PCDHA10: variants seen among roughly 807,000 people sequenced by gnomAD.
PCDHA10 encodes the protein protocadherin alpha 10.
A neutral mutation model predicts 61.2 loss-of-function variants in PCDHA10; 45 were observed. The ratio of observed to expected loss-of-function variants is 0.74; its 90% confidence interval spans 0.58 to 0.94. The LOEUF is 0.94. Among genes scored for constraint, PCDHA10 ranks in the 40% least tolerant of loss-of-function variants. PCDHA10 has a pLI of 0.00. For synonymous variants in PCDHA10, 602 were observed against 548.8 expected (o/e 1.10, Z -1.35); for missense variants, 1,278 against 1,236.2 (o/e 1.03, Z -0.51).
intron 1 of PCDHA10, among the ~76,000 whole-genome samples, chr5:140,896,910 T>C (rs1174063416): frequency 1.3e-5 from 2 of 152,208 alleles, no homozygotes; most frequent in Non-Finnish European, 2.9e-5. Context: ...AAGCATGCAA[T>C]GCACAATAAT....
chr5:140,900,780 C>T (rs1554189418), intron 1 of PCDHA10, among the ~76,000 whole-genome samples: 1 of 152,192 alleles, frequency 6.6e-6, no homozygotes, highest in Admixed American at 6.5e-5. Flanking sequence ...TTTGAGGAAA[C>T]TCCAAACTGT....
chr5:140,941,211 CTTCCTTTCTTTCTTTCTTTCTTT>C (rs2092859339), intron 1 of PCDHA10, among the ~76,000 whole-genome samples: 20 of 129,726 alleles, frequency 1.5e-4, no homozygotes, highest in Admixed American at 7.8e-4. Flanking sequence ...TCCTTTCTTT[CTTCCTTTCTTTCTTTCTTTCTTT>C]CTTTCTTTCT....
chr5:140,927,127 G>C (rs1202029150), intron 1 of PCDHA10: 1 of 1,613,964 alleles, frequency 6.2e-7, no homozygotes, highest in Non-Finnish European at 8.5e-7. Context: ...GGTGGTCAGA[G>C]AGCCGGCGGA....
chr5:140,948,017 T>TTTTCC (rs1351599974), intron 1 of PCDHA10, among the ~76,000 whole-genome samples: 1 of 151,262 alleles, frequency 6.6e-6, no homozygotes, highest in African/African-American at 2.4e-5. Flanking sequence ...GGAAGTACCC[T>TTTTCC]TTCTGGTTTG....
At chr5:140,874,386 G>A (rs2054873500) in intron 1 of PCDHA10, among the ~76,000 whole-genome samples, 1 of 152,082 alleles carries the variant, frequency 6.6e-6, no homozygotes. Context: ...GTCTTTTGAT[G>A]CCCCCTTGCA....
rs1319882145 is a variant in PCDHA10, at chr5:140,858,933, A to G, written c.2388+497A>G. ...GCTTATACTGCCATAGTAGATTTCA[A>G]TGTTCAGTGATTACAGCTTTTTCTC... is the stretch of plus-strand genomic sequence containing the variant. On this transcript the variant is annotated intron_variant, in intron 1 of 3. Transcript: ENST00000307360. The G allele has an allele frequency of 6.2e-5, 10 of 160,710 alleles. 1 individual carries two copies. The highest frequency in any genetic ancestry group is 2.4e-4 in the African/African-American group (10 of 41,146). The allele number at this position is 160,710 out of a possible 1,614,324, so 10.0% of individuals were successfully genotyped here. A position where few individuals can be genotyped will look rare whatever the true frequency, so the allele number is the denominator to read the frequency against.
rs34755515 is a variant in PCDHA10 at position 141,000,421 on chromosome 5, A to ATTT, written c.2537-9185_2537-9183dup. 5.4e-3 allele frequency among the ~76,000 whole-genome samples: 150 copies of ATTT among 27,982 alleles called. 11 individuals are homozygous for ATTT. Among genetic ancestry groups the ATTT allele is most frequent in the Non-Finnish European group, 6.0e-3 (106 of 17,660 alleles). The allele number at this position is 27,982 out of a possible 152,430, so 18.4% of individuals were successfully genotyped here. On this transcript the variant is annotated intron_variant, in intron 3 of 3. Coordinates refer to ENST00000307360, the MANE Select transcript of PCDHA10 (RefSeq NM_018901.4). ...TATATATATATATATATATATATAT[A>ATTT]TTTTTTTTTTTTTTTTTTTTTTTGA...
In PCDHA10 at chr5:140,882,102, C is replaced by A. The variant is rs2058951166; in HGVS notation, c.2388+23666C>A. 1.4e-5 allele frequency: 18 copies of A among 1,308,166 alleles called. No individual in the cohort carries two copies. In the South Asian group the frequency reaches 2.1e-4, roughly 16 times the overall value. 81.0% of individuals were successfully genotyped at this position (1,308,166 alleles called of 1,614,324 possible). On this transcript the variant is annotated intron_variant, in intron 1 of 3. Transcript: ENST00000307360. ...TCGCTCTTCACTGAGAACGTTTCCG[C>A]GAAGAAAGCCGCCGTTTCTTTCTTC...
intron 1 of PCDHA10, among the ~76,000 whole-genome samples, chr5:140,896,511 C>T (rs1344026446): frequency 6.6e-6 from 1 of 151,744 alleles, no homozygotes; most frequent in Non-Finnish European, 1.5e-5. Context: ...TGTGCAGGCA[C>T]ACACCACAAA....
In PCDHA10 at chr5:140,941,217, T is replaced by TTC. The variant is rs1483555953; in HGVS notation, c.2389-37730_2389-37729dup. Among the ~76,000 whole-genome samples, 308 of 126,180 alleles carry TTC rather than the reference T, an allele frequency of 2.4e-3. 1 individual carries two copies. Among genetic ancestry groups the TTC allele is most frequent in the African/African-American group, 9.4e-3 (294 of 31,220 alleles). The allele number at this position is 126,180 out of a possible 152,430, so 82.8% of individuals were successfully genotyped here. On this transcript the variant is annotated intron_variant, in intron 1 of 3. Coordinates refer to ENST00000307360, the MANE Select transcript of PCDHA10 (RefSeq NM_018901.4). ...TTTCTTTCTTCCTTTCTTTCTTCCT[T>TTC]TCTTTCTTTCTTTCTTTCTTTCTTT...
intron 1 of PCDHA10, among the ~76,000 whole-genome samples, chr5:140,890,244 C>T (rs1404459938): frequency 6.6e-6 from 1 of 152,052 alleles, no homozygotes; most frequent in Non-Finnish European, 1.5e-5. Flanking sequence ...TTTACCAGTA[C>T]ACTACTGCAC....
In PCDHA10 at chr5:140,856,514, G is replaced by C. The variant is rs781942781; in HGVS notation, c.466G>C (p.Ala156Pro). 1 of 1,598,422 alleles carries C rather than the reference G, an allele frequency of 6.3e-7. No individual in the cohort carries two copies. The highest frequency in any genetic ancestry group is 1.3e-5 in the African/African-American group (1 of 74,442). Residue 156 changes from alanine (A) to proline (P), a missense_variant, in exon 1 of 4, where the codon GCA becomes CCA. By Grantham distance (27) the Ala-to-Pro change is conservative. Coordinates refer to ENST00000307360, the MANE Select transcript of PCDHA10 (RefSeq NM_018901.4). ...TGACTCTCGATTTCCACTAGAAGGC[G>C]CATCTGATGCGGATGTTGGAGAGAA... is the stretch of plus-strand genomic sequence containing the variant. ...LLDSRFPLEG[A>P]SDADVGENAL...
chr5:140,906,786 A>G (rs1471436514), intron 1 of PCDHA10, among the ~76,000 whole-genome samples: 1 of 152,198 alleles, frequency 6.6e-6, no homozygotes, highest in Non-Finnish European at 1.5e-5. Flanking sequence ...GATCTTGTGT[A>G]TTCCATGCAT....
At position 140,857,701 on chromosome 5, in the gene PCDHA10, G is replaced by A. The variant is rs1043829375; in HGVS notation, c.1653G>A (p.Gln551=). 4.4e-6 allele frequency: 7 copies of A among 1,597,352 alleles called. No homozygotes were observed. Among genetic ancestry groups the A allele is most frequent in the Non-Finnish European group, 6.0e-6 (7 of 1,167,754 alleles). The change falls in exon 1 of 4, where the codon CAG becomes CAA. Residue 551 remains glutamine (Q), a synonymous_variant. Coordinates refer to ENST00000307360, the MANE Select transcript of PCDHA10 (RefSeq NM_018901.4). Reference sequence around the variant, plus strand: ...CTCTGGGCAGCAACTTGACGCTGCAGGTGTTCGTGCTGGACGAGAACGACA... The same window carrying A: ...CTCTGGGCAGCAACTTGACGCTGCAAGTGTTCGTGCTGGACGAGAACGACA... ...VPPLGSNLTL[Q]VFVLDENDNA... is the part of the protein sequence containing the mutation.
rs184672024 is a variant in PCDHA10, at chr5:140,889,762, T to C, written c.2388+31326T>C. Among the ~76,000 whole-genome samples, 15 of 152,308 alleles carry C rather than the reference T, an allele frequency of 9.8e-5. No homozygotes were observed. The East Asian group carries it at 2.9e-3, about 29-fold the overall frequency. The stretch of plus-strand genomic sequence containing the variant: ...GAGTCTAATTTTTCTTTCCTTGAAC[T>C]TTGACTGGTCTTAATATTGGAAGTA... On this transcript the variant is annotated intron_variant, in intron 1 of 3. Coordinates refer to ENST00000307360, the MANE Select transcript of PCDHA10 (RefSeq NM_018901.4).
At chr5:140,927,303 G>A (rs1554204320) in intron 1 of PCDHA10, 69 of 1,614,150 alleles carry the variant, frequency 4.3e-5, no homozygotes, top group Non-Finnish European at 5.7e-5. Context: ...CCGAGTTCCT[G>A]ACGCCCGGAG....
At chr5:140,939,987 C>T (rs2092516961) in intron 1 of PCDHA10, among the ~76,000 whole-genome samples, 1 of 152,060 alleles carries the variant, frequency 6.6e-6, no homozygotes. Flanking sequence ...TGAATTGTTT[C>T]TCCTTGGATT....
intron 1 of PCDHA10, among the ~76,000 whole-genome samples, chr5:140,903,138 A>T (rs188809018): frequency 6.6e-6 from 1 of 152,258 alleles, no homozygotes; most frequent in East Asian, 1.9e-4. Context: ...AAATCTCCAA[A>T]CTGTTTTCCA....
intron 3 of PCDHA10, among the ~76,000 whole-genome samples, chr5:141,000,895 T>C (rs896500322): frequency 5.3e-5 from 8 of 152,072 alleles, no homozygotes; most frequent in Non-Finnish European, 1.2e-4. Context: ...GCAACAGATA[T>C]AGACGCTGTC....
Sources: allele counts gnomAD v4.1 joint callset (sites outside exome capture counted in the v4.1 genomes callset), GRCh38; gene constraint gnomAD v4.1.1; transcripts MANE v1.5; gene names NCBI Gene and HGNC (gene_info 2026-07-23, HGNC 2026-07-21).